Variants in HEMK1 observed in about 807,000 individuals in gnomAD.
The protein encoded by HEMK1 is MTRF1L release factor glutamine methyltransferase.
HEMK1 carries 36 observed loss-of-function variants against 47.9 expected under a neutral mutation model. The observed-to-expected ratio is 0.75, with a 90% CI of 0.58 to 0.99. HEMK1 has a LOEUF of 0.99. Ranked by LOEUF, HEMK1 falls within the 50% of genes least tolerant of loss-of-function variation. HEMK1 has a pLI of 0.00. For missense variants in HEMK1, 383 were observed against 434.5 expected (o/e 0.88, Z 1.05); for synonymous variants, 153 against 165.4 (o/e 0.93, Z 0.57).
At position 50,594,837 on chromosome 3, in the gene HEMK1, C is replaced by T. The variant is rs2031883919; in HGVS notation, c.*14420C>T. 1 of 152,112 alleles carries T rather than the reference C, an allele frequency of 6.6e-6. No homozygotes were observed. The highest frequency in any genetic ancestry group is 1.5e-5 in the Non-Finnish European group (1 of 68,026). 9.4% of individuals were successfully genotyped at this position (152,112 alleles called of 1,614,324 possible). On this transcript the variant is annotated 3_prime_UTR_variant, in exon 11 of 11. Transcript: ENST00000232854. ...CACCTACCTCCTTTGGCTTCCTTTC[C>T]TTCCCTGTCTCACCCCCTCTCCCAT...
rs1268025112 is a variant in HEMK1, at chr3:50,571,696, C to A, written c.229-14C>A. 1.9e-5 allele frequency: 31 copies of A among 1,613,518 alleles called. No individual in the cohort carries two copies. Among genetic ancestry groups the A allele is most frequent in the Non-Finnish European group, 2.6e-5 (31 of 1,179,376 alleles). ...GCCCAGTGAGCCAGCCACTTATATT[C>A]TCTGTGGGGACAGTTTCAGAGCCTG... On this transcript the variant is annotated splice_polypyrimidine_tract_variant and intron_variant, in intron 2 of 10. Transcript: ENST00000232854.
At position 50,571,678 on chromosome 3, in the gene HEMK1, G is replaced by A. The variant is rs570403349; in HGVS notation, c.229-32G>A. ...CTGGGTTGGGGGCCTTGGGCCCAGTGAGCCAGCCACTTATATTCTCTGTGG... is the reference window on the plus strand; with the variant it reads ...CTGGGTTGGGGGCCTTGGGCCCAGTAAGCCAGCCACTTATATTCTCTGTGG... On this transcript the variant is annotated intron_variant, in intron 2 of 10. Coordinates refer to ENST00000232854, the MANE Select transcript of HEMK1 (RefSeq NM_016173.5). The A allele has an allele frequency of 4.4e-6, 7 of 1,607,462 alleles. No homozygotes were observed. In the South Asian group the frequency reaches 7.7e-5, roughly 18 times the overall value.
Position 50,587,237 on chromosome 3 carries a change from C to T in HEMK1, c.*6820C>T, listed in dbSNP as rs2031437088. 6.6e-6 allele frequency: 1 copy of T among 152,188 alleles called. No homozygotes were observed. The highest frequency in any genetic ancestry group is 1.5e-5 in the Non-Finnish European group (1 of 68,060). The allele number at this position is 152,188 out of a possible 1,614,324, so 9.4% of individuals were successfully genotyped here. A position where few individuals can be genotyped will look rare whatever the true frequency, so the allele number is the denominator to read the frequency against. On this transcript the variant is annotated 3_prime_UTR_variant, in exon 11 of 11. Transcript: ENST00000232854. This position sits in a 1 kb window ranked among gnomAD's most constrained non-coding sequence, Gnocchi z 4.2. ...CCCTTGGAGCAGGAGCAAGGGTTTC[C>T]AGGGCTGTCCCTAGAGGGCTTTCTA... is the stretch of plus-strand genomic sequence containing the variant.
In HEMK1 at chr3:50,580,586, C is replaced by T. The variant is rs2030670016; in HGVS notation, c.*169C>T. 4.3e-6 allele frequency: 3 copies of T among 695,916 alleles called. No individual in the cohort carries two copies. The South Asian group carries it at 5.6e-5, about 13-fold the overall frequency. The allele number at this position is 695,916 out of a possible 1,614,324, so 43.1% of individuals were successfully genotyped here. A position where few individuals can be genotyped will look rare whatever the true frequency, so the allele number is the denominator to read the frequency against. On this transcript the variant is annotated 3_prime_UTR_variant, in exon 11 of 11. Coordinates refer to ENST00000232854, the MANE Select transcript of HEMK1 (RefSeq NM_016173.5). ...GACACCTGGATTGGCTCCATCACATCAGAGTGGCTGAGGGCAGTTGCTCTG... is the reference window on the plus strand; with the variant it reads ...GACACCTGGATTGGCTCCATCACATTAGAGTGGCTGAGGGCAGTTGCTCTG...
Position 50,577,155 on chromosome 3 carries a change from T to G in HEMK1, c.518T>G (p.Ile173Ser). The change falls in exon 5 of 11, where the codon ATC becomes AGC. Residue 173 changes from isoleucine (I) to serine (S), a missense_variant. Coordinates refer to ENST00000232854, the MANE Select transcript of HEMK1 (RefSeq NM_016173.5). ...ILEVGCGSGA[I>S]SLSLLSQLPQ... ...GAGGTGGGCTGCGGATCAGGAGCCA[T>G]CTCCCTCAGCCTGCTGAGCCAGCTC... 6.2e-7 allele frequency: 1 copy of G among 1,613,024 alleles called. No individual in the cohort carries two copies.
intron 3 of HEMK1, 91 bp from the exon 4 acceptor site, chr3:50,572,024 T>C: frequency 1.3e-6 from 2 of 1,580,024 alleles, no homozygotes; most frequent in Non-Finnish European, 1.7e-6. Context: ...TCTTGCCTGA[T>C]ACCTTTGGCC....
chr3:50,577,398 G>A (rs932791713), intron 5 of HEMK1, 111 bp from the exon 6 acceptor site: 3 of 1,214,358 alleles, frequency 2.5e-6, no homozygotes, highest in African/African-American at 3.0e-5. Context: ...AGGCTGTTGG[G>A]TATTTCCCTT....
intron 4 of HEMK1, among the ~76,000 whole-genome samples, chr3:50,576,701 G>C (rs1701633231): frequency 6.6e-6 from 1 of 152,240 alleles, no homozygotes; most frequent in Admixed American, 6.5e-5. Flanking sequence ...GAGCCACCGT[G>C]CCCAGCCAGT....
At position 50,588,915 on chromosome 3, in the gene HEMK1, T is replaced by C. The variant is rs1336523458; in HGVS notation, c.*8498T>C. 1 of 152,252 alleles carries C rather than the reference T, an allele frequency of 6.6e-6. No individual in the cohort carries two copies. Among genetic ancestry groups the C allele is most frequent in the Admixed American group, 6.5e-5 (1 of 15,288 alleles). 9.4% of individuals were successfully genotyped at this position (152,252 alleles called of 1,614,324 possible). A position where few individuals can be genotyped will look rare whatever the true frequency, so the allele number is the denominator to read the frequency against. On this transcript the variant is annotated 3_prime_UTR_variant, in exon 11 of 11. Coordinates refer to ENST00000232854, the MANE Select transcript of HEMK1 (RefSeq NM_016173.5). ...TCTCTTGGCCCGCACTGAAAGCCAC[T>C]GTTTCTTCATCATTTCACTCAGCCC...
rs1337733927 is a variant in HEMK1, at chr3:50,593,743, CTTTCT to C, written c.*13330_*13334del. The stretch of plus-strand genomic sequence containing the variant: ...CAATGACAAATTTGTCTTTTCCTTT[CTTTCT>C]TTTTTTTTTTTTTGAGACAAAGTGC... On this transcript the variant is annotated 3_prime_UTR_variant, in exon 11 of 11. Transcript: ENST00000232854. 9.4e-5 allele frequency: 10 copies of C among 106,090 alleles called. No homozygotes were observed. Among genetic ancestry groups the C allele is most frequent in the South Asian group, 8.3e-4 (2 of 2,406 alleles). The allele number at this position is 106,090 out of a possible 1,614,324, so 6.6% of individuals were successfully genotyped here.
rs1360500918 is a variant in HEMK1, at chr3:50,589,891, C to G, written c.*9474C>G. On this transcript the variant is annotated 3_prime_UTR_variant, in exon 11 of 11. Coordinates refer to ENST00000232854, the MANE Select transcript of HEMK1 (RefSeq NM_016173.5). ...CCACCCAGGCAACAAGAGCAAAACT[C>G]TGTCTCAAAAATAATAATAATAGGC... 2 of 151,978 alleles carry G rather than the reference C, an allele frequency of 1.3e-5. No individual in the cohort carries two copies. The highest frequency in any genetic ancestry group is 2.9e-5 in the Non-Finnish European group (2 of 68,026). The allele number at this position is 151,978 out of a possible 1,614,324, so 9.4% of individuals were successfully genotyped here. A position where few individuals can be genotyped will look rare whatever the true frequency, so the allele number is the denominator to read the frequency against.
At chr3:50,570,885 G>T (rs1359279769) in intron 1 of HEMK1, 46 bp from the exon 2 acceptor site, 4 of 450,576 alleles carry the variant, frequency 8.9e-6, no homozygotes, top group African/African-American at 2.0e-5. Context: ...AGAAGGGGGG[G>T]TGTCATACAA....
intron 4 of HEMK1, among the ~76,000 whole-genome samples, chr3:50,576,600 G>A (rs779146898): frequency 6.6e-6 from 1 of 152,132 alleles, no homozygotes; most frequent in Non-Finnish European, 1.5e-5. Context: ...AGCAGAGACG[G>A]GGTTTCACCA....
rs1350340133 is a variant in HEMK1, at chr3:50,591,902, C to A, written c.*11485C>A. ...GATCACGAGGTCAGGAGATCGAGAC[C>A]ATCCTGACTAACACGGTGAAACCCT... On this transcript the variant is annotated 3_prime_UTR_variant, in exon 11 of 11. Transcript: ENST00000232854. The A allele has an allele frequency of 6.6e-6, 1 of 152,086 alleles. No individual in the cohort carries two copies. The highest frequency in any genetic ancestry group is 1.5e-5 in the Non-Finnish European group (1 of 68,076). The allele number at this position is 152,086 out of a possible 1,614,324, so 9.4% of individuals were successfully genotyped here. A position where few individuals can be genotyped will look rare whatever the true frequency, so the allele number is the denominator to read the frequency against.
chr3:50,589,752 C>G lies in HEMK1; in HGVS notation c.*9335C>G, dbSNP rs1206316865. The G allele has an allele frequency of 1.3e-5, 2 of 152,126 alleles. No individual in the cohort carries two copies. The highest frequency in any genetic ancestry group is 1.3e-4 in the Admixed American group (2 of 15,272). The allele number at this position is 152,126 out of a possible 1,614,324, so 9.4% of individuals were successfully genotyped here. A position where few individuals can be genotyped will look rare whatever the true frequency, so the allele number is the denominator to read the frequency against. ...TCTGTACTAAAAATACAAAAATTAG[C>G]CGGGTGTGGTGGCTCACGCCTGTAA... On this transcript the variant is annotated 3_prime_UTR_variant, in exon 11 of 11. Coordinates refer to ENST00000232854, the MANE Select transcript of HEMK1 (RefSeq NM_016173.5).
In HEMK1 at chr3:50,579,062, G is replaced by A. The variant is rs2030312081; in HGVS notation, c.770+136G>A. 6.3e-6 allele frequency: 4 copies of A among 639,756 alleles called. No homozygotes were observed. The South Asian group carries it at 7.5e-5, about 12-fold the overall frequency. The allele number at this position is 639,756 out of a possible 1,614,324, so 39.6% of individuals were successfully genotyped here. ...GCAATGGTGTTAAGTTGACGCACTCGAGAGCCCACAGTCCTACCTAGATTC... is the reference window on the plus strand; with the variant it reads ...GCAATGGTGTTAAGTTGACGCACTCAAGAGCCCACAGTCCTACCTAGATTC... On this transcript the variant is annotated intron_variant, in intron 8 of 10. Coordinates refer to ENST00000232854, the MANE Select transcript of HEMK1 (RefSeq NM_016173.5).
At chr3:50,571,581 C>G (rs367598575) in intron 2 of HEMK1, 129 bp from the exon 3 acceptor site, 32 of 898,006 alleles carry the variant, frequency 3.6e-5, no homozygotes, top group African/African-American at 3.1e-4. Context: ...GATGCTGCCC[C>G]CTCTGGGCCC....
In HEMK1 at chr3:50,585,470, C is replaced by A. The variant is rs2031275023; in HGVS notation, c.*5053C>A. ...TAAAACTGAATTGGCCAACTGGTGC[C>A]CTCAGCCCTGTCCCTGTCCAAGCTG... On this transcript the variant is annotated 3_prime_UTR_variant, in exon 11 of 11. Coordinates refer to ENST00000232854, the MANE Select transcript of HEMK1 (RefSeq NM_016173.5). 6.6e-6 allele frequency: 1 copy of A among 152,362 alleles called. No individual in the cohort carries two copies. Among genetic ancestry groups the A allele is most frequent in the Non-Finnish European group, 1.5e-5 (1 of 68,178 alleles). 9.4% of individuals were successfully genotyped at this position (152,362 alleles called of 1,614,324 possible).
chr3:50,573,264 C>T (rs901136966), intron 4 of HEMK1, among the ~76,000 whole-genome samples: 2 of 152,294 alleles, frequency 1.3e-5, no homozygotes, highest in Middle Eastern at 3.4e-3. Context: ...CTCAGAGCCC[C>T]ATCCCTCACA....
Sources: allele counts gnomAD v4.1 joint callset (sites outside exome capture counted in the v4.1 genomes callset), GRCh38; gene constraint gnomAD v4.1.1; non-coding constraint Gnocchi (gnomAD v3.1); transcripts MANE v1.5; gene names NCBI Gene and HGNC (gene_info 2026-07-23, HGNC 2026-07-21).